PAPSS1: variants seen among roughly 807,000 people sequenced by gnomAD.
PAPSS1 encodes the protein 3'-phosphoadenosine 5'-phosphosulfate synthase 1.
Under a neutral mutation model 72.0 loss-of-function variants are expected in PAPSS1, and 50 were observed. That is an observed-to-expected ratio of 0.69 (90% CI 0.55 to 0.88). The LOEUF is 0.88. PAPSS1 is among the 40% of genes least tolerant of loss of function. The probability of loss-of-function intolerance (pLI) is 0.00; values close to 1 mark genes in which losing one functional copy is unlikely to be tolerated. For synonymous variants in PAPSS1, 261 were observed against 263.6 expected, an observed-to-expected ratio of 0.99 and a Z score of 0.09; for missense variants, 657 against 782.2, an observed-to-expected ratio of 0.84 and a Z score of 1.91.
chr4:107,681,528 A>G (rs1722606522), intron 5 of PAPSS1, among the ~76,000 whole-genome samples: 1 of 152,180 alleles, frequency 6.6e-6, no homozygotes, highest in Admixed American at 6.5e-5. Context: ...CCATATGCCC[A>G]GGCACCCAAA....
intron 11 of PAPSS1, among the ~76,000 whole-genome samples, chr4:107,615,391 T>A (rs905750215): frequency 6.6e-6 from 1 of 152,192 alleles, no homozygotes; most frequent in African/African-American, 2.4e-5. Context: ...CTATGTTCCT[T>A]CCTCTCTTCA....
At chr4:107,702,722 T>C (rs1404410480) in intron 1 of PAPSS1, among the ~76,000 whole-genome samples, 1 of 152,232 alleles carries the variant, frequency 6.6e-6, no homozygotes. Context: ...TGTGTAAATA[T>C]ACTACTTTTT....
At chr4:107,717,862 CT>C (rs567174290) in intron 1 of PAPSS1, among the ~76,000 whole-genome samples, 150 of 152,280 alleles carry the variant, frequency 9.9e-4, no homozygotes, top group Middle Eastern at 3.4e-3. Flanking sequence ...GTCCTCTCAA[CT>C]CTTCCTTAAA....
rs566139293 is a variant in PAPSS1, at chr4:107,671,137, C to T, written c.669+10878G>A. Among the ~76,000 whole-genome samples the T allele has an allele frequency of 1.2e-4, 19 of 152,160 alleles. No individual in the cohort carries two copies. In the East Asian group the frequency reaches 3.5e-3, roughly 28 times the overall value. On this transcript the variant is annotated intron_variant, in intron 5 of 11. Coordinates refer to ENST00000265174, the MANE Select transcript of PAPSS1 (RefSeq NM_005443.5). Reference sequence around the variant, plus strand: ...CACAGGAATCTGTATTTTCATTATACAGAATTATAGTTAAAAACCAACTGA... The same window carrying T: ...CACAGGAATCTGTATTTTCATTATATAGAATTATAGTTAAAAACCAACTGA...
chr4:107,635,429 T>C (rs1268491860), intron 10 of PAPSS1, among the ~76,000 whole-genome samples: 3 of 152,204 alleles, frequency 2.0e-5, no homozygotes, highest in Non-Finnish European at 4.4e-5. Flanking sequence ...GAGAAAAATA[T>C]TTCCACAAAT....
At chr4:107,675,755 C>T (rs912689216) in intron 5 of PAPSS1, among the ~76,000 whole-genome samples, 9 of 152,160 alleles carry the variant, frequency 5.9e-5, no homozygotes, top group African/African-American at 2.2e-4. Context: ...AGACCAATAT[C>T]CCTGGTGAAC....
intron 1 of PAPSS1, among the ~76,000 whole-genome samples, chr4:107,712,864 T>C (rs1480160828): frequency 8.3e-6 from 1 of 119,950 alleles, no homozygotes; most frequent in Non-Finnish European, 1.8e-5. Context: ...AGAGCGAGAC[T>C]CCGTCTCGGG....
At chr4:107,694,040 T>C (rs748179008) in intron 2 of PAPSS1, 34 bp from the exon 3 acceptor site, 2 of 1,440,908 alleles carry the variant, frequency 1.4e-6, no homozygotes, top group East Asian at 4.6e-5. Flanking sequence ...ATTCCATGTG[T>C]AAAGTTAGAA....
chr4:107,631,698 T>C lies in PAPSS1; in HGVS notation c.1669A>G (p.Ile557Val), dbSNP rs753298840. The change falls in exon 11 of 12, where the codon ATA becomes GTA. Residue 557 changes from isoleucine (I) to valine (V), a missense_variant. By Grantham distance (29) the Ile-to-Val change is conservative (BLOSUM62 3). Coordinates refer to ENST00000265174, the MANE Select transcript of PAPSS1 (RefSeq NM_005443.5). ...TMAPGLITLE[I>V]VPFRVAAYNK... ...TAAGCTGCAACTCGAAAGGGAACTA[T>C]TTCCAAAGTGATTAAACCAGGGGCC... 2.9e-5 allele frequency: 47 copies of C among 1,614,016 alleles called. No individual in the cohort carries two copies. In the Admixed American group the frequency reaches 7.3e-4, roughly 25 times the overall value.
intron 11 of PAPSS1, among the ~76,000 whole-genome samples, chr4:107,628,464 T>G (rs1726153037): frequency 6.6e-6 from 1 of 152,168 alleles, no homozygotes; most frequent in Non-Finnish European, 1.5e-5. Context: ...AGGGCTACAT[T>G]ATTCCTAAAT....
chr4:107,652,371 T>C (rs1267702783), intron 9 of PAPSS1, among the ~76,000 whole-genome samples: 1 of 152,012 alleles, frequency 6.6e-6, no homozygotes, highest in African/African-American at 2.4e-5. Flanking sequence ...ATAGAAAGAG[T>C]ATGGGTGCAC....
chr4:107,669,571 T>C (rs1292430627), intron 5 of PAPSS1, among the ~76,000 whole-genome samples: 1 of 152,192 alleles, frequency 6.6e-6, no homozygotes, highest in East Asian at 1.9e-4. Context: ...CAAAAGTGCC[T>C]ACCACATATA....
intron 11 of PAPSS1, 92 bp downstream of exon 11, chr4:107,631,539 T>C: frequency 3.6e-6 from 3 of 835,742 alleles, no homozygotes; most frequent in South Asian, 3.6e-5. Context: ...ACAAAACCTG[T>C]CATCAGTAAA....
At chr4:107,691,339 G>A (rs1722913256) in intron 3 of PAPSS1, among the ~76,000 whole-genome samples, 1 of 152,138 alleles carries the variant, frequency 6.6e-6, no homozygotes, top group Admixed American at 6.5e-5. Flanking sequence ...ACCCTATGTT[G>A]TAGGCATTAC....
chr4:107,646,209 A>G (rs1389193978), intron 9 of PAPSS1, among the ~76,000 whole-genome samples: 1 of 151,904 alleles, frequency 6.6e-6, no homozygotes, highest in Admixed American at 6.6e-5. Context: ...ACATTTTTCT[A>G]TCCTTCTCAA....
intron 5 of PAPSS1, among the ~76,000 whole-genome samples, chr4:107,672,390 T>C (rs57376787): frequency 0.18 from 27,599 of 152,104 alleles, 2,952 homozygotes; most frequent in East Asian, 0.37. Flanking sequence ...TTTCCAACGG[T>C]CTTAGCAAAC....
At chr4:107,659,012 G>C (rs996437950) in intron 6 of PAPSS1, among the ~76,000 whole-genome samples, 2 of 152,190 alleles carry the variant, frequency 1.3e-5, no homozygotes, top group East Asian at 3.8e-4. Flanking sequence ...TAAATTCATA[G>C]TCATTCATTC....
At chr4:107,641,237 C>T (rs554201718) in intron 10 of PAPSS1, among the ~76,000 whole-genome samples, 1 of 152,290 alleles carries the variant, frequency 6.6e-6, no homozygotes, top group South Asian at 2.1e-4. Context: ...GATCAAATTC[C>T]TTATCTTCCA....
intron 9 of PAPSS1, among the ~76,000 whole-genome samples, chr4:107,646,153 T>G (rs1005481673): frequency 4.6e-5 from 7 of 152,112 alleles, no homozygotes; most frequent in African/African-American, 1.4e-4. Flanking sequence ...ATACAAGCAT[T>G]TAAAATTATT....
Sources: allele counts gnomAD v4.1 joint callset (sites outside exome capture counted in the v4.1 genomes callset), GRCh38; gene constraint gnomAD v4.1.1; transcripts MANE v1.5; gene names NCBI Gene and HGNC (gene_info 2026-07-23, HGNC 2026-07-21).